Variants in ZFHX3 observed in about 807,000 individuals in gnomAD.
ZFHX3 encodes zinc finger homeobox 3, also known as zinc finger homeobox protein 3.
ZFHX3 carries 42 observed loss-of-function variants against 279.1 expected under a neutral mutation model. That is an observed-to-expected ratio of 0.15 (90% CI 0.12 to 0.19). The LOEUF (loss-of-function observed/expected upper bound fraction) is 0.19. Among genes scored for constraint, ZFHX3 ranks in the 10% least tolerant of loss-of-function variants. The pLI, the probability that ZFHX3 is intolerant of heterozygous loss-of-function variation, is 1.00. For synonymous variants in ZFHX3, 2,293 were observed against 1,957.8 expected, an observed-to-expected ratio of 1.17 and a Z score of -4.52; for missense variants, 4,981 against 4,754.0, an observed-to-expected ratio of 1.05 and a Z score of -1.40.
intron 2 of ZFHX3, among the ~76,000 whole-genome samples, chr16:73,561,954 T>A (rs1348927677): frequency 1.3e-5 from 2 of 152,194 alleles, no homozygotes; most frequent in African/African-American, 2.4e-5. Context: ...GCACCTAGGT[T>A]CCTAACTTGG....
intron 1 of ZFHX3, among the ~76,000 whole-genome samples, chr16:73,749,857 C>T (rs539895620): frequency 1.3e-5 from 2 of 152,272 alleles, no homozygotes; most frequent in East Asian, 1.9e-4. Flanking sequence ...TGAACTGTAC[C>T]CTACGTGAAA....
At chr16:73,666,447 G>C (rs1216073240) in intron 2 of ZFHX3, among the ~76,000 whole-genome samples, 1 of 151,896 alleles carries the variant, frequency 6.6e-6, no homozygotes, top group East Asian at 1.9e-4. Context: ...AATACTAAGG[G>C]AGTTTTAAAG....
intron 1 of ZFHX3, chr16:73,015,847 C>T (rs1002915574): frequency 6.6e-6 from 1 of 152,262 alleles, no homozygotes; most frequent in African/African-American, 2.4e-5. Flanking sequence ...CAGCCAACCA[C>T]ATCAGAAGCT....
chr16:73,542,958 T>C (rs1470101601), intron 2 of ZFHX3, among the ~76,000 whole-genome samples: 5 of 152,154 alleles, frequency 3.3e-5, no homozygotes, highest in Admixed American at 3.3e-4. Context: ...CTTGCTTGGA[T>C]AGAAATATGG....
chr16:72,921,630 G>A (rs2039587015), intron 3 of ZFHX3, among the ~76,000 whole-genome samples: 1 of 152,196 alleles, frequency 6.6e-6, no homozygotes, highest in African/African-American at 2.4e-5. Context: ...GCGTGGCCTC[G>A]CCTTCCCCCA....
At chr16:73,263,185 A>G (rs1280243780) in intron 4 of ZFHX3, among the ~76,000 whole-genome samples, 1 of 151,430 alleles carries the variant, frequency 6.6e-6, no homozygotes, top group African/African-American at 2.4e-5. Flanking sequence ...ATTCACTTTC[A>G]GGAAGTCCTT....
intron 4 of ZFHX3, among the ~76,000 whole-genome samples, chr16:73,298,790 T>C (rs2014986857): frequency 6.6e-6 from 1 of 152,194 alleles, no homozygotes; most frequent in Non-Finnish European, 1.5e-5. Context: ...CAGGAATACC[T>C]ACCATATGTC....
chr16:73,278,763 C>T (rs1338449961), intron 4 of ZFHX3, among the ~76,000 whole-genome samples: 1 of 152,154 alleles, frequency 6.6e-6, no homozygotes, highest in African/African-American at 2.4e-5. Context: ...CTGATAGGTG[C>T]GTTTTACAGA....
At chr16:73,653,902 G>A (rs2052695669) in intron 2 of ZFHX3, among the ~76,000 whole-genome samples, 2 of 152,002 alleles carry the variant, frequency 1.3e-5, no homozygotes, top group South Asian at 4.1e-4. Flanking sequence ...GATAAAAAGA[G>A]GGCCGGGCAC....
At chr16:73,099,710 CAAAAA>C (rs756694525) in intron 7 of ZFHX3, among the ~76,000 whole-genome samples, 4 of 90,944 alleles carry the variant, frequency 4.4e-5, no homozygotes, top group Admixed American at 4.3e-4. Context: ...GACTCCATCT[CAAAAA>C]AAAAAAAAAA....
At chr16:73,555,306 C>T (rs1487584920) in intron 2 of ZFHX3, among the ~76,000 whole-genome samples, 2 of 152,064 alleles carry the variant, frequency 1.3e-5, no homozygotes, top group Non-Finnish European at 2.9e-5. Flanking sequence ...AGGCACCCGC[C>T]ACCACACCCG....
chr16:72,962,570 C>G (rs1008689694), intron 1 of ZFHX3, among the ~76,000 whole-genome samples: 6 of 152,194 alleles, frequency 3.9e-5, no homozygotes, highest in Non-Finnish European at 8.8e-5. Context: ...CCATGCGCAC[C>G]AGCTGTGACA....
At chr16:73,774,018 G>A (rs2054049553) in intron 1 of ZFHX3, among the ~76,000 whole-genome samples, 1 of 152,032 alleles carries the variant, frequency 6.6e-6, no homozygotes, top group Non-Finnish European at 1.5e-5. Flanking sequence ...TGTGCTTGTA[G>A]TCCCAGCTAC....
At chr16:72,913,348 T>G (rs987348594) in intron 3 of ZFHX3, among the ~76,000 whole-genome samples, 1 of 152,220 alleles carries the variant, frequency 6.6e-6, no homozygotes, top group African/African-American at 2.4e-5. Context: ...CTCCATCGCC[T>G]CCAATCTGTC....
At position 73,613,530 on chromosome 16, in the gene ZFHX3, A is replaced by G. The variant is rs937899694; in HGVS notation, c.-1547+66650T>C. 1.1e-4 allele frequency among the ~76,000 whole-genome samples: 16 copies of G among 152,148 alleles called. 1 individual carries two copies. Among genetic ancestry groups the G allele is most frequent in the Admixed American group, 3.9e-4 (6 of 15,274 alleles). On this transcript the variant is annotated intron_variant, in intron 2 of 17. Transcript: ENST00000641206. ...ACTAGGAAAACAGGTGGAAGTTTCT[A>G]GAAGCAGGATGGTTGTGATTTGCTC... is the stretch of plus-strand genomic sequence containing the variant.
intron 3 of ZFHX3, among the ~76,000 whole-genome samples, chr16:73,375,743 A>T (rs1333929502): frequency 6.6e-6 from 1 of 152,210 alleles, no homozygotes; most frequent in Non-Finnish European, 1.5e-5. Context: ...GCTTTATCCC[A>T]CACTAGACAC....
At chr16:73,372,450 C>CTTA (rs1567464045) in intron 3 of ZFHX3, among the ~76,000 whole-genome samples, 1 of 152,056 alleles carries the variant, frequency 6.6e-6, no homozygotes, top group Non-Finnish European at 1.5e-5. Flanking sequence ...ATTTGAATTC[C>CTTA]CCCAAATTCA....
intron 3 of ZFHX3, among the ~76,000 whole-genome samples, chr16:72,898,860 G>A (rs899921202): frequency 6.6e-6 from 1 of 151,926 alleles, no homozygotes; most frequent in Admixed American, 6.6e-5. Flanking sequence ...GTAGGACCCT[G>A]AGGAAGGGGC....
At chr16:73,474,779 T>A (rs1012170476) in intron 2 of ZFHX3, among the ~76,000 whole-genome samples, 2 of 152,236 alleles carry the variant, frequency 1.3e-5, no homozygotes, top group Non-Finnish European at 2.9e-5. Context: ...AAGAAAGTGC[T>A]TGGCACATAG....
Sources: allele counts gnomAD v4.1 joint callset (sites outside exome capture counted in the v4.1 genomes callset), GRCh38; gene constraint gnomAD v4.1.1; transcripts MANE v1.5; gene names NCBI Gene and HGNC (gene_info 2026-07-23, HGNC 2026-07-21).